The following CERS3 variants were observed in gnomAD, a reference collection of about 807,000 sequenced individuals.
CERS3 encodes ceramide synthase 3.
Under a neutral mutation model 50.3 loss-of-function variants are expected in CERS3, and 33 were observed. The observed-to-expected ratio is 0.66, with a 90% confidence interval of 0.50 to 0.88. CERS3 has a LOEUF of 0.88. CERS3 is among the 40% of genes least tolerant of loss of function. The pLI is 0.00. For missense variants in CERS3, 470 were observed against 460.3 expected (o/e 1.02, Z -0.19); for synonymous variants, 176 against 155.2 (o/e 1.13, Z -0.99).
chr15:100,419,730 A>G (rs2032258059), intron 11 of CERS3, among the ~76,000 whole-genome samples: 2 of 151,542 alleles, frequency 1.3e-5, no homozygotes, highest in Non-Finnish European at 1.5e-5. Flanking sequence ...ATAACAAACT[A>G]TCTCTCAGAC....
intron 11 of CERS3, among the ~76,000 whole-genome samples, chr15:100,412,761 T>C (rs1232603081): frequency 6.6e-6 from 1 of 152,254 alleles, no homozygotes; most frequent in East Asian, 1.9e-4. Context: ...TTTTCACTAA[T>C]TATTTCTTGC....
At chr15:100,415,871 G>C (rs1459462834) in intron 11 of CERS3, among the ~76,000 whole-genome samples, 2 of 152,062 alleles carry the variant, frequency 1.3e-5, no homozygotes, top group Admixed American at 1.3e-4. Context: ...ATAATGGGTT[G>C]ATAGGTGCAG....
chr15:100,483,787 A>ATTATTATTATTTTTTTTTTTT (rs760594142), intron 5 of CERS3, among the ~76,000 whole-genome samples: 6 of 100,040 alleles, frequency 6.0e-5, no homozygotes, highest in African/African-American at 7.7e-5. Context: ...TATTATTATT[A>ATTATTATTATTTTTTTTTTTT]TTTTTTTTTT....
At chr15:100,453,315 A>T (rs1305172710) in intron 11 of CERS3, among the ~76,000 whole-genome samples, 1 of 152,218 alleles carries the variant, frequency 6.6e-6, no homozygotes, top group African/African-American at 2.4e-5. Context: ...GCCAAGTGGG[A>T]TTCAACCCAG....
At chr15:100,484,459 C>T (rs1437476442) in intron 5 of CERS3, 91 bp downstream of exon 5, 2 of 890,844 alleles carry the variant, frequency 2.2e-6, no homozygotes, top group African/African-American at 1.6e-5. Context: ...CTGAACCCTC[C>T]CTCTGCTGCT....
chr15:100,471,319 T>A (rs578190447), intron 9 of CERS3, among the ~76,000 whole-genome samples: 1 of 152,074 alleles, frequency 6.6e-6, no homozygotes, highest in African/African-American at 2.4e-5. Context: ...TGGACAGATA[T>A]GAATTCTCAT....
intron 11 of CERS3, among the ~76,000 whole-genome samples, chr15:100,416,210 G>C (rs1827352726): frequency 6.6e-6 from 1 of 152,100 alleles, no homozygotes; most frequent in African/African-American, 2.4e-5. Context: ...AAAGCCAGAG[G>C]CATCACACTT....
intron 10 of CERS3, among the ~76,000 whole-genome samples, chr15:100,461,657 A>T (rs2034554080): frequency 6.6e-6 from 1 of 152,204 alleles, no homozygotes; most frequent in Non-Finnish European, 1.5e-5. Context: ...ACTGCAGAGA[A>T]CTTACACCAG....
rs760594142 is a variant in CERS3 at position 100,483,787 on chromosome 15, A to ATTATTTTTTTT, written c.407+762_407+763insAAAAAAAATAA. Among the ~76,000 whole-genome samples the ATTATTTTTTTT allele has an allele frequency of 3.2e-3, 321 of 99,968 alleles. 2 individuals carry two copies. The highest frequency in any genetic ancestry group is 4.3e-3 in the Admixed American group (35 of 8,050). The allele number at this position is 99,968 out of a possible 152,430, so 65.6% of individuals were successfully genotyped here. A position where few individuals can be genotyped will look rare whatever the true frequency, so the allele number is the denominator to read the frequency against. ...AATAATAATAATAATTATTATTATTATTTTTTTTTTTGAGACAGAGTCTTG... is the reference window on the plus strand; with the variant it reads ...AATAATAATAATAATTATTATTATTATTATTTTTTTTTTTTTTTTTTTGAGACAGAGTCTTG... On this transcript the variant is annotated intron_variant, in intron 5 of 11. Transcript: ENST00000679737.
At chr15:100,423,132 T>C (rs1174729476) in intron 11 of CERS3, among the ~76,000 whole-genome samples, 3 of 149,946 alleles carry the variant, frequency 2.0e-5, no homozygotes, top group African/African-American at 2.5e-5. Flanking sequence ...ATTTTGGCAA[T>C]GTGATGGAGA....
At position 100,440,718 on chromosome 15, in the gene CERS3, C is replaced by T. The variant is rs143092708; in HGVS notation, c.999+15175G>A. On this transcript the variant is annotated intron_variant, in intron 11 of 11. Transcript: ENST00000679737. ...CACCTACGACCTCAGGTCCTCAGACCGACCAGCCCAAGAAACATCTCACCA... is the reference window on the plus strand; with the variant it reads ...CACCTACGACCTCAGGTCCTCAGACTGACCAGCCCAAGAAACATCTCACCA... 1.6e-3 allele frequency among the ~76,000 whole-genome samples: 237 copies of T among 152,334 alleles called. 6 individuals carry two copies. The East Asian group carries it at 0.037, about 24-fold the overall frequency.
At chr15:100,473,811 T>G (rs2035042077) in intron 8 of CERS3, among the ~76,000 whole-genome samples, 1 of 152,140 alleles carries the variant, frequency 6.6e-6, no homozygotes, top group Admixed American at 6.5e-5. Flanking sequence ...AATGAAAACA[T>G]ATGTTCATGC....
chr15:100,479,638 A>T, intron 6 of CERS3, 160 bp from the exon 7 acceptor site: 1 of 610,498 alleles, frequency 1.6e-6, no homozygotes. Context: ...CTTCTATTGC[A>T]CGTATTTCTC....
At position 100,402,548 on chromosome 15, in the gene CERS3, T is replaced by G; in HGVS notation, c.*165A>C. On this transcript the variant is annotated 3_prime_UTR_variant, in exon 12 of 12. Transcript: ENST00000679737. ...CCATGGGCATGCTTATATTTAACAT[T>G]TTAACACAAGTTAACAACATTTTGG... 1.5e-6 allele frequency: 1 copy of G among 651,114 alleles called. No homozygotes were observed. The highest frequency in any genetic ancestry group is 2.6e-6 in the Non-Finnish European group (1 of 387,424). 40.3% of individuals were successfully genotyped at this position (651,114 alleles called of 1,614,324 possible).
chr15:100,454,908 T>A (rs1001916645), intron 11 of CERS3, among the ~76,000 whole-genome samples: 2 of 151,934 alleles, frequency 1.3e-5, no homozygotes, highest in African/African-American at 4.8e-5. Context: ...GATAATTCCA[T>A]TAAAAAGGGG....
chr15:100,408,591 T>C (rs940364218), intron 11 of CERS3: 1 of 152,172 alleles, frequency 6.6e-6, no homozygotes, highest in African/African-American at 2.4e-5. Flanking sequence ...GTGGCTCCGA[T>C]AGGATTGACA....
At chr15:100,470,490 G>A (rs118037840) in intron 9 of CERS3, among the ~76,000 whole-genome samples, 2 of 152,230 alleles carry the variant, frequency 1.3e-5, no homozygotes, top group Non-Finnish European at 2.9e-5. Context: ...GGTGGGAGAC[G>A]GGTGTGGAGA....
chr15:100,440,213 T>C (rs1315359205), intron 11 of CERS3, among the ~76,000 whole-genome samples: 1 of 152,168 alleles, frequency 6.6e-6, no homozygotes, highest in Non-Finnish European at 1.5e-5. Context: ...ATTTAACTTG[T>C]CTCAGTTACT....
intron 10 of CERS3, among the ~76,000 whole-genome samples, chr15:100,466,200 AC>A (rs1335107229): frequency 1.3e-5 from 2 of 152,192 alleles, no homozygotes; most frequent in African/African-American, 4.8e-5. Flanking sequence ...ATAGCGCACT[AC>A]CCCGACAATC....
Sources: allele counts gnomAD v4.1 joint callset (sites outside exome capture counted in the v4.1 genomes callset), GRCh38; gene constraint gnomAD v4.1.1; transcripts MANE v1.5; gene names NCBI Gene and HGNC (gene_info 2026-07-23, HGNC 2026-07-21).